Variants in TMEM245 observed in about 807,000 individuals in gnomAD.
TMEM245 encodes the protein transmembrane protein 245.
In TMEM245, 69 loss-of-function variants were observed where a neutral mutation model predicts 101.2. The ratio of observed to expected loss-of-function variants is 0.68; its 90% confidence interval spans 0.56 to 0.83. The LOEUF (loss-of-function observed/expected upper bound fraction) is 0.83. Ranked by LOEUF, TMEM245 falls within the 40% of genes least tolerant of loss-of-function variation. The pLI is 0.00. For missense variants in TMEM245, 1,075 were observed against 1,092.8 expected (o/e 0.98, Z 0.23); for synonymous variants, 537 against 449.8 (o/e 1.19, Z -2.45).
chr9:109,052,248 T>C (rs891306417), intron 12 of TMEM245, among the ~76,000 whole-genome samples: 2 of 152,372 alleles, frequency 1.3e-5, no homozygotes, highest in Admixed American at 6.5e-5. Flanking sequence ...AATGCTTCCA[T>C]AGACCTCCCA....
intron 3 of TMEM245, among the ~76,000 whole-genome samples, chr9:109,101,691 T>C (rs1253361872): frequency 6.6e-6 from 1 of 152,240 alleles, no homozygotes; most frequent in Non-Finnish European, 1.5e-5. Context: ...AAATCTGTAC[T>C]CAACATTTAT....
chr9:109,083,131 G>A (rs1460623646), intron 7 of TMEM245, among the ~76,000 whole-genome samples: 2 of 151,862 alleles, frequency 1.3e-5, no homozygotes, highest in South Asian at 2.1e-4. Flanking sequence ...ATGGGGGCAC[G>A]GGGAGTTGAT....
At chr9:109,079,876 C>T (rs1588057665) in intron 8 of TMEM245, among the ~76,000 whole-genome samples, 1 of 152,136 alleles carries the variant, frequency 6.6e-6, no homozygotes, top group East Asian at 1.9e-4. Context: ...AATAAGTCTG[C>T]ACAGTATATA....
At chr9:109,108,600 A>G (rs775613997) in intron 1 of TMEM245, 30 bp from the exon 2 acceptor site, 10 of 1,477,348 alleles carry the variant, frequency 6.8e-6, no homozygotes, top group Admixed American at 1.9e-5. Flanking sequence ...CAGCTGTAAA[A>G]TCTATACACG....
intron 10 of TMEM245, among the ~76,000 whole-genome samples, chr9:109,060,686 C>G (rs1425224469): frequency 1.3e-5 from 2 of 152,160 alleles, no homozygotes; most frequent in African/African-American, 4.8e-5. Context: ...TCTAAGAGAG[C>G]TACCTCACGC....
chr9:109,055,766 C>G (rs1394299317), intron 12 of TMEM245, among the ~76,000 whole-genome samples: 2 of 152,078 alleles, frequency 1.3e-5, no homozygotes, highest in Non-Finnish European at 2.9e-5. Flanking sequence ...TCCCGAGTAT[C>G]TGGGATTACA....
At position 109,038,133 on chromosome 9, in the gene TMEM245, A is replaced by T; in HGVS notation, c.2124-16T>A. 6.3e-7 allele frequency: 1 copy of T among 1,597,718 alleles called. No individual in the cohort carries two copies. On this transcript the variant is annotated splice_polypyrimidine_tract_variant and intron_variant, in intron 14 of 17. Transcript: ENST00000374586. ...AAACACCCCTCTGGAATGCCCAAAG[A>T]TAAAAAGAAAGAGTAAATAAACAGT...
At chr9:109,047,226 T>C (rs558818456) in intron 14 of TMEM245, among the ~76,000 whole-genome samples, 1 of 152,280 alleles carries the variant, frequency 6.6e-6, no homozygotes, top group South Asian at 2.1e-4. Context: ...AACAAATGGT[T>C]TTTAAATGCC....
In TMEM245 at chr9:109,073,222, C is replaced by T; in HGVS notation, c.1532+134G>A. 15 of 682,404 alleles carry T rather than the reference C, an allele frequency of 2.2e-5. 1 individual carries two copies. The highest frequency in any genetic ancestry group is 3.8e-5 in the Non-Finnish European group (15 of 391,576). The allele number at this position is 682,404 out of a possible 1,614,324, so 42.3% of individuals were successfully genotyped here. A position where few individuals can be genotyped will look rare whatever the true frequency, so the allele number is the denominator to read the frequency against. On this transcript the variant is annotated intron_variant, in intron 9 of 17. Transcript: ENST00000374586. ...ACATGACATTCTTCTTCAAAAATGA[C>T]AATATTTATCAAAGCTCTGGCAAAC...
chr9:109,076,696 C>CT (rs1224344964), intron 8 of TMEM245, among the ~76,000 whole-genome samples: 1 of 151,988 alleles, frequency 6.6e-6, no homozygotes, highest in Admixed American at 6.6e-5. Flanking sequence ...TCAGGAAATG[C>CT]TTTTTTTGTT....
chr9:109,086,630 C>T (rs750557042), intron 6 of TMEM245, among the ~76,000 whole-genome samples: 2 of 152,172 alleles, frequency 1.3e-5, no homozygotes, highest in Non-Finnish European at 2.9e-5. Context: ...GGTATGGAAA[C>T]CAAGGCACAG....
At chr9:109,066,664 A>G (rs1829178837) in intron 9 of TMEM245, among the ~76,000 whole-genome samples, 1 of 151,834 alleles carries the variant, frequency 6.6e-6, no homozygotes, top group South Asian at 2.1e-4. Flanking sequence ...AATATTTTCA[A>G]TTATATGGTA....
intron 9 of TMEM245, among the ~76,000 whole-genome samples, chr9:109,065,500 C>A (rs1449167904): frequency 3.9e-5 from 6 of 152,094 alleles, no homozygotes; most frequent in African/African-American, 1.2e-4. Context: ...TGGTTATCTA[C>A]TGAAGATCTT....
At chr9:109,066,399 G>A (rs548341329) in intron 9 of TMEM245, among the ~76,000 whole-genome samples, 1 of 126,172 alleles carries the variant, frequency 7.9e-6, no homozygotes, top group African/African-American at 3.1e-5. Context: ...ACGTTGCAAT[G>A]AGCCAAGATC....
chr9:109,115,548 T>TTTA (rs1260878618), intron 1 of TMEM245, among the ~76,000 whole-genome samples: 2 of 119,490 alleles, frequency 1.7e-5, no homozygotes, highest in African/African-American at 6.1e-5. Context: ...TTTTTTTTTT[T>TTTA]AAGACAGAGT....
At chr9:109,025,787 T>C (rs1253321346) in intron 17 of TMEM245, among the ~76,000 whole-genome samples, 2 of 152,210 alleles carry the variant, frequency 1.3e-5, no homozygotes, top group Non-Finnish European at 2.9e-5. Context: ...CCACTATTAA[T>C]AGAGAACAGA....
chr9:109,077,644 T>C (rs1240040166), intron 8 of TMEM245, among the ~76,000 whole-genome samples: 2 of 152,266 alleles, frequency 1.3e-5, no homozygotes, highest in African/African-American at 4.8e-5. Flanking sequence ...CTTATGTCAA[T>C]ATTAACTCTT....
chr9:109,026,499 G>C (rs1190681384), intron 17 of TMEM245, among the ~76,000 whole-genome samples: 1 of 151,684 alleles, frequency 6.6e-6, no homozygotes, highest in Non-Finnish European at 1.5e-5. Context: ...CAAAGGCCCA[G>C]AGTTTCAATG....
At chr9:109,080,741 G>T in intron 8 of TMEM245, 98 bp downstream of exon 8, 1 of 746,612 alleles carries the variant, frequency 1.3e-6, no homozygotes, top group Non-Finnish European at 2.3e-6. Flanking sequence ...TTTAAATCAA[G>T]TTAACATTTT....
Sources: allele counts gnomAD v4.1 joint callset (sites outside exome capture counted in the v4.1 genomes callset), GRCh38; gene constraint gnomAD v4.1.1; transcripts MANE v1.5; gene names NCBI Gene and HGNC (gene_info 2026-07-23, HGNC 2026-07-21).